Variants in AGAP1 observed in about 807,000 individuals in gnomAD.
The protein encoded by AGAP1 is arf-GAP with GTPase, ANK repeat and PH domain-containing protein 1.
A neutral mutation model predicts 105.3 loss-of-function variants in AGAP1; 29 were observed. That is an observed-to-expected ratio of 0.28 (90% CI 0.21 to 0.38). AGAP1 has a LOEUF of 0.38. AGAP1 is among the 10% of genes least tolerant of loss of function. The pLI, the probability that AGAP1 is intolerant of heterozygous loss-of-function variation, is 1.00. For missense variants in AGAP1, 998 were observed against 1,165.1 expected, an observed-to-expected ratio of 0.86 and a Z score of 2.09; for synonymous variants, 509 against 485.9, an observed-to-expected ratio of 1.05 and a Z score of -0.63.
chr2:235,810,155 G>A (rs1227208917), intron 9 of AGAP1, among the ~76,000 whole-genome samples: 3 of 151,896 alleles, frequency 2.0e-5, no homozygotes, highest in Admixed American at 6.5e-5. Flanking sequence ...AATATCTTAC[G>A]ACTGTATAAA....
chr2:235,859,821 C>T (rs181787412), intron 9 of AGAP1, among the ~76,000 whole-genome samples: 10 of 152,310 alleles, frequency 6.6e-5, no homozygotes, highest in Admixed American at 1.3e-4. Context: ...GAAATGCCTC[C>T]GCCCTGGAGC....
At chr2:235,840,521 G>T (rs1259080835) in intron 9 of AGAP1, among the ~76,000 whole-genome samples, 1 of 152,132 alleles carries the variant, frequency 6.6e-6, no homozygotes. Flanking sequence ...GGTCCGTGTT[G>T]TCCTAGCGGT....
intron 16 of AGAP1, among the ~76,000 whole-genome samples, chr2:236,075,378 A>G (rs191791524): frequency 1.6e-4 from 24 of 152,274 alleles, no homozygotes; most frequent in African/African-American, 5.5e-4. Flanking sequence ...CCCACCCCCA[A>G]GGGCTCCCAG....
At chr2:235,980,026 A>T (rs954817840) in intron 13 of AGAP1, among the ~76,000 whole-genome samples, 1 of 152,040 alleles carries the variant, frequency 6.6e-6, no homozygotes, top group African/African-American at 2.4e-5. Flanking sequence ...CTATCCCAAG[A>T]CTCATTGCCT....
chr2:236,063,471 G>T (rs1391821599), intron 16 of AGAP1, among the ~76,000 whole-genome samples: 1 of 152,238 alleles, frequency 6.6e-6, no homozygotes, highest in Non-Finnish European at 1.5e-5. Context: ...GGGCCATTGG[G>T]AGGATGATGA....
At chr2:236,110,909 G>A (rs188050827) in intron 16 of AGAP1, among the ~76,000 whole-genome samples, 24 of 152,284 alleles carry the variant, frequency 1.6e-4, no homozygotes, top group Admixed American at 7.2e-4. Flanking sequence ...TAGAGGCACC[G>A]GCAGATTCGG....
rs1410622606 is a variant in AGAP1 at position 235,752,551 on chromosome 2, G to T, written c.673+2063G>T. 1.3e-5 allele frequency among the ~76,000 whole-genome samples: 2 copies of T among 152,156 alleles called. No homozygotes were observed. Among genetic ancestry groups the T allele is most frequent in the Non-Finnish European group, 2.9e-5 (2 of 68,034 alleles). ...TGCAGCGGGTTTGGGCCCCTCTCCA[G>T]CTGTGACAGCAGAGATGAGGGTCTT... On this transcript the variant is annotated intron_variant, in intron 6 of 17. Coordinates refer to ENST00000304032, the MANE Select transcript of AGAP1 (RefSeq NM_001037131.3). This position sits in a 1 kb window ranked among gnomAD's most constrained non-coding sequence, Gnocchi z 4.3.
At chr2:235,759,464 C>G (rs909073074) in intron 6 of AGAP1, among the ~76,000 whole-genome samples, 1 of 152,222 alleles carries the variant, frequency 6.6e-6, no homozygotes, top group African/African-American at 2.4e-5. Context: ...CCACCGCGCC[C>G]GGCCCTGGCA....
At position 235,577,693 on chromosome 2, in the gene AGAP1, G is replaced by A. The variant is rs970741928; in HGVS notation, c.163+82844G>A. On this transcript the variant is annotated intron_variant, in intron 1 of 17. Transcript: ENST00000304032. This position sits in a 1 kb window ranked among gnomAD's most constrained non-coding sequence, Gnocchi z 4.5. Reference sequence around the variant, plus strand: ...ATTCGCCGAGTGGAACGTGTGTGTCGTCATCCCCTCGAAGGCTTGGCTGAT... The same window carrying A: ...ATTCGCCGAGTGGAACGTGTGTGTCATCATCCCCTCGAAGGCTTGGCTGAT... 5.3e-5 allele frequency among the ~76,000 whole-genome samples: 8 copies of A among 152,094 alleles called. No individual in the cohort carries two copies. Among genetic ancestry groups the A allele is most frequent in the Admixed American group, 3.3e-4 (5 of 15,266 alleles).
rs1177166294 is a variant in AGAP1, at chr2:235,662,665, C to G, written c.164-46514C>G. On this transcript the variant is annotated intron_variant, in intron 1 of 17. Coordinates refer to ENST00000304032, the MANE Select transcript of AGAP1 (RefSeq NM_001037131.3). This position sits in a 1 kb window ranked among gnomAD's most constrained non-coding sequence, Gnocchi z 4.2. ...GGGATTACAGGTGTGTGCCACCACA[C>G]CTGGCCGAAGTTGGTGATTTTGAAC... Among the ~76,000 whole-genome samples, 2 of 152,048 alleles carry G rather than the reference C, an allele frequency of 1.3e-5. No homozygotes were observed. The highest frequency in any genetic ancestry group is 4.8e-5 in the African/African-American group (2 of 41,408).
Position 235,874,250 on chromosome 2 carries a change from C to T in AGAP1, c.1051-9095C>T, listed in dbSNP as rs951249192. On this transcript the variant is annotated intron_variant, in intron 9 of 17. Transcript: ENST00000304032. This position sits in a 1 kb window ranked among gnomAD's most constrained non-coding sequence, Gnocchi z 4.5. ...CATTTTACTAGAGACGGGGTTTCAC[C>T]ATGTTTACCGGGATGGTCTCGATCT... Among the ~76,000 whole-genome samples the T allele has an allele frequency of 6.6e-6, 1 of 151,822 alleles. No individual in the cohort carries two copies. Among genetic ancestry groups the T allele is most frequent in the Non-Finnish European group, 1.5e-5 (1 of 67,974 alleles).
chr2:235,807,129 T>C (rs1957876943), intron 8 of AGAP1, 110 bp from the exon 9 acceptor site: 1 of 1,038,898 alleles, frequency 9.6e-7, no homozygotes, highest in Non-Finnish European at 1.4e-6. Flanking sequence ...CACACATAGA[T>C]CGCGCATGTT....
chr2:235,974,397 T>A (rs2054774451), intron 13 of AGAP1, among the ~76,000 whole-genome samples: 1 of 152,230 alleles, frequency 6.6e-6, no homozygotes, highest in Non-Finnish European at 1.5e-5. Flanking sequence ...AGATCTTTCT[T>A]TAAAAATGCA....
In AGAP1 at chr2:236,014,529, G is replaced by T. The variant is rs543677170; in HGVS notation, c.1646-22032G>T. Among the ~76,000 whole-genome samples, 1 of 152,128 alleles carries T rather than the reference G, an allele frequency of 6.6e-6. No individual in the cohort carries two copies. Among genetic ancestry groups the T allele is most frequent in the Non-Finnish European group, 1.5e-5 (1 of 68,030 alleles). ...AGCCACGTGTGAAACCCAGCAGGGC[G>T]AAGCAGACTTCTGCGCGTGGGTAGT... On this transcript the variant is annotated intron_variant, in intron 13 of 17. Transcript: ENST00000304032. This position sits in a 1 kb window ranked among gnomAD's most constrained non-coding sequence, Gnocchi z 6.3.
chr2:235,494,066 G>A lies in AGAP1; in HGVS notation c.-621G>A, dbSNP rs1236189448. On this transcript the variant is annotated 5_prime_UTR_variant, in exon 1 of 18. Transcript: ENST00000304032. ...CCGGAGCCCTGCGTGCCAGGGAGGG[G>A]GCCGGCCGGGCAGGCGGCGGGCGGC... 1 of 146,340 alleles carries A rather than the reference G, an allele frequency of 6.8e-6. No homozygotes were observed. The highest frequency in any genetic ancestry group is 6.8e-5 in the Admixed American group (1 of 14,706). 9.1% of individuals were successfully genotyped at this position (146,340 alleles called of 1,614,324 possible).
chr2:235,944,376 A>G (rs1353063211), intron 12 of AGAP1, among the ~76,000 whole-genome samples: 1 of 152,182 alleles, frequency 6.6e-6, no homozygotes, highest in Non-Finnish European at 1.5e-5. Flanking sequence ...TAGGTACTCT[A>G]TTTTTGTAAT....
intron 16 of AGAP1, among the ~76,000 whole-genome samples, chr2:236,069,405 G>A (rs1278782165): frequency 6.6e-6 from 1 of 152,032 alleles, no homozygotes; most frequent in Non-Finnish European, 1.5e-5. Flanking sequence ...TATGAGCATA[G>A]CACATGATAT....
intron 11 of AGAP1, among the ~76,000 whole-genome samples, chr2:235,923,612 C>G (rs1406731531): frequency 6.8e-6 from 1 of 146,380 alleles, no homozygotes; most frequent in Non-Finnish European, 1.5e-5. Flanking sequence ...ACAGTTGGCA[C>G]TCTCGTGCTT....
intron 13 of AGAP1, among the ~76,000 whole-genome samples, chr2:236,022,202 A>G (rs973828720): frequency 6.6e-6 from 1 of 152,050 alleles, no homozygotes; most frequent in African/African-American, 2.4e-5. Context: ...TGTCCTTTGT[A>G]TGTCATGAGA....
Sources: gnomAD v4.1 joint callset for allele counts (sites outside exome capture counted in the v4.1 genomes callset) on GRCh38, gnomAD v4.1.1 for gene constraint, Gnocchi (gnomAD v3.1) non-coding constraint, MANE v1.5 for transcripts, NCBI Gene and HGNC (gene_info 2026-07-23, HGNC 2026-07-21) for gene names.